CYB5A: variants seen among roughly 807,000 people sequenced by gnomAD.
CYB5A encodes the protein cytochrome b5 type A, also known as cytochrome b5.
In CYB5A, 10 loss-of-function variants were observed where a neutral mutation model predicts 16.2. That is an observed-to-expected ratio of 0.62 (90% CI 0.38 to 1.04). The LOEUF (loss-of-function observed/expected upper bound fraction) is 1.04. CYB5A is among the 50% of genes least tolerant of loss of function. CYB5A has a pLI of 0.01. For missense variants in CYB5A, 161 were observed against 165.9 expected (o/e 0.97, Z 0.16); for synonymous variants, 62 against 57.0 (o/e 1.09, Z -0.40).
At chr18:74,271,510 C>T (rs1433704245) in intron 1 of CYB5A, among the ~76,000 whole-genome samples, 1 of 152,074 alleles carries the variant, frequency 6.6e-6, no homozygotes, top group African/African-American at 2.4e-5. Context: ...AAAAATGTTC[C>T]CCAGATTAAT....
intron 1 of CYB5A, among the ~76,000 whole-genome samples, chr18:74,266,837 T>TAAA (rs573568747): frequency 5.4e-5 from 4 of 73,454 alleles, no homozygotes; most frequent in Non-Finnish European, 8.9e-5. Flanking sequence ...TTTAAAAAAC[T>TAAA]AAAAAAAAAA....
At chr18:74,263,177 TGC>T (rs1982281684) in intron 2 of CYB5A, among the ~76,000 whole-genome samples, 170 bp downstream of exon 2, 1 of 145,926 alleles carries the variant, frequency 6.9e-6, no homozygotes, top group Non-Finnish European at 1.5e-5. Context: ...AACAGTGAAA[TGC>T]AAAGACATTT....
chr18:74,269,887 G>C (rs1030974904), intron 1 of CYB5A, among the ~76,000 whole-genome samples: 1 of 152,154 alleles, frequency 6.6e-6, no homozygotes, highest in African/African-American at 2.4e-5. Flanking sequence ...GCTGATTATG[G>C]TACCCTGGGA....
At chr18:74,285,287 C>CA (rs1340796668) in intron 1 of CYB5A, among the ~76,000 whole-genome samples, 1 of 152,222 alleles carries the variant, frequency 6.6e-6, no homozygotes, top group Non-Finnish European at 1.5e-5. Flanking sequence ...GCCTGCTACT[C>CA]AGTTTCCCAT....
intron 3 of CYB5A, chr18:74,257,127 A>G: frequency 4.4e-6 from 2 of 453,358 alleles, no homozygotes; most frequent in Non-Finnish European, 7.9e-6. Flanking sequence ...TAGAAAGTTA[A>G]GTTTGAAACA....
At chr18:74,264,039 C>T (rs1982325739) in intron 1 of CYB5A, among the ~76,000 whole-genome samples, 2 of 152,132 alleles carry the variant, frequency 1.3e-5, no homozygotes, top group South Asian at 2.1e-4. Flanking sequence ...GGCGAAACCC[C>T]ATCTCTACAA....
intron 1 of CYB5A, chr18:74,290,843 T>C (rs1365645135): frequency 6.6e-6 from 1 of 152,214 alleles, no homozygotes; most frequent in Non-Finnish European, 1.5e-5. Flanking sequence ...GCAAAGAATC[T>C]TATCAAAGGA....
chr18:74,291,221 G>T (rs1228117440), intron 1 of CYB5A, among the ~76,000 whole-genome samples: 2 of 152,220 alleles, frequency 1.3e-5, no homozygotes, highest in African/African-American at 4.8e-5. Context: ...GCCGGTCCTG[G>T]AAGGACACCC....
chr18:74,289,776 CA>C (rs531814328), intron 1 of CYB5A, among the ~76,000 whole-genome samples: 1,853 of 91,198 alleles, frequency 0.02, 22 homozygotes, highest in African/African-American at 0.055. Flanking sequence ...AACTCTGTCT[CA>C]AAAAAAAAAA....
chr18:74,254,555 T>G (rs902904447), intron 4 of CYB5A, among the ~76,000 whole-genome samples: 2 of 151,906 alleles, frequency 1.3e-5, no homozygotes, highest in Non-Finnish European at 2.9e-5. Flanking sequence ...AGTCTTGCTC[T>G]GTTGCTCAGG....
chr18:74,291,613 G>A, intron 1 of CYB5A, 134 bp downstream of exon 1: 2 of 1,340,848 alleles, frequency 1.5e-6, no homozygotes, highest in Non-Finnish European at 2.1e-6. Flanking sequence ...GCGTACACGC[G>A]CAGGTGAGCG....
At chr18:74,278,272 T>C (rs964558649) in intron 1 of CYB5A, among the ~76,000 whole-genome samples, 1 of 152,190 alleles carries the variant, frequency 6.6e-6, no homozygotes, top group African/African-American at 2.4e-5. Context: ...TGAGATCTGC[T>C]AACAGGGGTC....
At chr18:74,260,880 G>T in intron 3 of CYB5A, 35 bp downstream of exon 3, 2 of 1,590,314 alleles carry the variant, frequency 1.3e-6, no homozygotes, top group South Asian at 2.2e-5. Context: ...AATACAACGA[G>T]AACATCCAGA....
rs369143770 is a variant in CYB5A at position 74,262,280 on chromosome 18, C to A, written c.258+1069G>T. ...GCCAACCTGGCCAACATGGCGAAAC[C>A]CCATCTCTACTAAAAATACAAAACA... On this transcript the variant is annotated intron_variant, in intron 2 of 4. Transcript: ENST00000340533. Among the ~76,000 whole-genome samples, 55 of 152,094 alleles carry A rather than the reference C, an allele frequency of 3.6e-4. 2 individuals carry two copies. In the South Asian group the frequency reaches 6.8e-3, roughly 19 times the overall value.
intron 1 of CYB5A, chr18:74,290,925 T>C (rs1983508390): frequency 6.5e-6 from 1 of 152,954 alleles, no homozygotes; most frequent in South Asian, 2.1e-4. Flanking sequence ...ACGCAGAACG[T>C]CCGCTGCTCT....
At chr18:74,271,059 T>C (rs1301464894) in intron 1 of CYB5A, among the ~76,000 whole-genome samples, 3 of 152,208 alleles carry the variant, frequency 2.0e-5, no homozygotes, top group Admixed American at 6.5e-5. Context: ...CTCCAGTTCA[T>C]AGCACTCTAC....
intron 3 of CYB5A, 46 bp downstream of exon 3, chr18:74,260,869 A>C: frequency 6.4e-7 from 1 of 1,555,840 alleles, no homozygotes; most frequent in Non-Finnish European, 8.9e-7. Flanking sequence ...GACAAGTATT[A>C]AATACAACGA....
At chr18:74,260,883 C>T in intron 3 of CYB5A, 32 bp downstream of exon 3, 1 of 1,595,522 alleles carries the variant, frequency 6.3e-7, no homozygotes, top group Non-Finnish European at 8.6e-7. Context: ...ACAACGAGAA[C>T]ATCCAGAGAT....
At chr18:74,267,859 C>T (rs1053286598) in intron 1 of CYB5A, among the ~76,000 whole-genome samples, 4 of 152,134 alleles carry the variant, frequency 2.6e-5, no homozygotes, top group Non-Finnish European at 5.9e-5. Flanking sequence ...TCTACTCATG[C>T]GACCATGTGT....
Sources: allele counts gnomAD v4.1 joint callset (sites outside exome capture counted in the v4.1 genomes callset), GRCh38; gene constraint gnomAD v4.1.1; transcripts MANE v1.5; gene names NCBI Gene and HGNC (gene_info 2026-07-23, HGNC 2026-07-21).